Variants in TSHR observed in about 807,000 individuals in gnomAD.
The protein encoded by TSHR is thyroid stimulating hormone receptor.
TSHR carries 51 observed loss-of-function variants against 64.1 expected under a neutral mutation model. That is an observed-to-expected ratio of 0.80 (90% CI 0.64 to 1.01). The LOEUF (loss-of-function observed/expected upper bound fraction) is 1.01, where lower values mean the gene tolerates loss of function less well. Among genes scored for constraint, TSHR ranks in the 50% least tolerant of loss-of-function variants. TSHR has a pLI of 0.00. For missense variants in TSHR, 877 were observed against 942.8 expected, an observed-to-expected ratio of 0.93 and a Z score of 0.91; for synonymous variants, 361 against 361.9, an observed-to-expected ratio of 1.00 and a Z score of 0.03.
chr14:81,011,306 AT>A (rs1282442788), intron 1 of TSHR, among the ~76,000 whole-genome samples: 1 of 151,688 alleles, frequency 6.6e-6, no homozygotes, highest in Non-Finnish European at 1.5e-5. Flanking sequence ...TGGTTAGTGC[AT>A]TTTTAGGGAC....
intron 1 of TSHR, chr14:81,012,570 G>A (rs373758005): frequency 1.3e-5 from 2 of 151,866 alleles, no homozygotes; most frequent in Non-Finnish European, 2.9e-5. Context: ...GTGTAAAAGT[G>A]TTCCTATTTC....
chr14:81,099,397 A>G (rs532417759), intron 7 of TSHR: 12 of 152,254 alleles, frequency 7.9e-5, no homozygotes, highest in African/African-American at 2.6e-4. Context: ...TGGCTGACTT[A>G]CCAGCCATCA....
intron 8 of TSHR, among the ~76,000 whole-genome samples, chr14:81,111,408 T>G (rs1471474272): frequency 6.6e-6 from 1 of 152,152 alleles, no homozygotes; most frequent in African/African-American, 2.4e-5. Flanking sequence ...GCTCCTGCCT[T>G]TATTTAGTCT....
intron 8 of TSHR, among the ~76,000 whole-genome samples, chr14:81,110,403 A>G (rs1890175318): frequency 6.6e-6 from 1 of 152,226 alleles, no homozygotes; most frequent in African/African-American, 2.4e-5. Flanking sequence ...TCACAGAGGA[A>G]AGGCCACGTG....
chr14:81,122,649 G>T (rs1890852442), intron 8 of TSHR, among the ~76,000 whole-genome samples: 1 of 152,074 alleles, frequency 6.6e-6, no homozygotes, highest in South Asian at 2.1e-4. Flanking sequence ...ATAGTAGAGA[G>T]TTAGCGGATA....
chr14:80,989,560 T>G (rs1442001792), intron 1 of TSHR, among the ~76,000 whole-genome samples: 1 of 152,146 alleles, frequency 6.6e-6, no homozygotes, highest in Non-Finnish European at 1.5e-5. Context: ...ATGCTTTTCT[T>G]TCTGCTTGAA....
chr14:81,123,704 A>C (rs1890900575), intron 8 of TSHR, among the ~76,000 whole-genome samples: 1 of 152,220 alleles, frequency 6.6e-6, no homozygotes, highest in Non-Finnish European at 1.5e-5. Flanking sequence ...TTGTTTTTCA[A>C]GGTCACTTCT....
intron 8 of TSHR, among the ~76,000 whole-genome samples, chr14:81,124,695 A>G (rs953739472): frequency 2.7e-5 from 4 of 146,908 alleles, no homozygotes; most frequent in African/African-American, 1.0e-4. Flanking sequence ...ATACTGGCCA[A>G]TGCTTTTAAT....
Position 81,103,451 on chromosome 14 carries a change from A to G in TSHR, c.615-4924A>G. 1 of 985,472 alleles carries G rather than the reference A, an allele frequency of 1.0e-6. No individual in the cohort carries two copies. Among genetic ancestry groups the G allele is most frequent in the Non-Finnish European group, 1.2e-6 (1 of 829,936 alleles). 61.0% of individuals were successfully genotyped at this position (985,472 alleles called of 1,614,324 possible). A position where few individuals can be genotyped will look rare whatever the true frequency, so the allele number is the denominator to read the frequency against. On this transcript the variant is annotated intron_variant, in intron 7 of 9. Coordinates refer to ENST00000298171, the MANE Select transcript of TSHR (RefSeq NM_000369.5). This position sits in a 1 kb window ranked among gnomAD's most constrained non-coding sequence, Gnocchi z 4.1. ...CATGACAATTTACTGAAATTAGCAGATCGACCTCATTTACACTCATTTTTT... is the reference window on the plus strand; with the variant it reads ...CATGACAATTTACTGAAATTAGCAGGTCGACCTCATTTACACTCATTTTTT...
At chr14:81,022,626 T>C (rs565048981) in intron 1 of TSHR, among the ~76,000 whole-genome samples, 4 of 151,912 alleles carry the variant, frequency 2.6e-5, no homozygotes, top group African/African-American at 9.7e-5. Flanking sequence ...ATCGAGACCA[T>C]CCTGGCCAAC....
chr14:81,063,801 C>T (rs1886407814), intron 2 of TSHR, among the ~76,000 whole-genome samples: 1 of 151,652 alleles, frequency 6.6e-6, no homozygotes, highest in African/African-American at 2.4e-5. Flanking sequence ...TATGGAAACT[C>T]ACATAAGAGG....
chr14:80,990,158 A>T (rs944902014), intron 1 of TSHR, among the ~76,000 whole-genome samples: 2 of 152,244 alleles, frequency 1.3e-5, no homozygotes, highest in African/African-American at 4.8e-5. Context: ...TGAGGCAGAG[A>T]TTACTTGCTG....
At chr14:81,123,938 T>G (rs1480715898) in intron 8 of TSHR, among the ~76,000 whole-genome samples, 1 of 152,208 alleles carries the variant, frequency 6.6e-6, no homozygotes, top group East Asian at 1.9e-4. Context: ...AGAGAAGTGC[T>G]TGGTGTTTTA....
intron 1 of TSHR, chr14:81,053,563 C>T (rs1160780576): frequency 6.6e-6 from 1 of 152,194 alleles, no homozygotes; most frequent in African/African-American, 2.4e-5. Flanking sequence ...ACACTGATAA[C>T]ACCAGGTGTT....
intron 8 of TSHR, among the ~76,000 whole-genome samples, chr14:81,127,066 T>C (rs2140077891): frequency 6.6e-6 from 1 of 152,248 alleles, no homozygotes; most frequent in East Asian, 1.9e-4. Context: ...AATTGGAGGA[T>C]GCTGGCAACA....
intron 1 of TSHR, among the ~76,000 whole-genome samples, chr14:80,973,128 G>C (rs994691587): frequency 1.3e-5 from 2 of 151,990 alleles, no homozygotes; most frequent in African/African-American, 4.8e-5. Context: ...GTACTTGGCC[G>C]GGCGCGGTGG....
intron 1 of TSHR, among the ~76,000 whole-genome samples, chr14:80,996,112 T>G (rs1157823631): frequency 3.3e-5 from 5 of 152,202 alleles, no homozygotes; most frequent in Non-Finnish European, 4.4e-5. Context: ...AAACAGATGT[T>G]GTTCCCTTAT....
chr14:81,079,568 C>T (rs1246505151), intron 3 of TSHR, among the ~76,000 whole-genome samples: 5 of 152,188 alleles, frequency 3.3e-5, no homozygotes, highest in African/African-American at 1.2e-4. Context: ...AAAGAAAATG[C>T]TGGCCAGGCG....
intron 1 of TSHR, chr14:80,982,278 CA>C: frequency 1.2e-6 from 1 of 818,500 alleles, no homozygotes; most frequent in Non-Finnish European, 1.9e-6. Context: ...ATGAGTCCAC[CA>C]GCTCCACATG....
Sources: allele counts gnomAD v4.1 joint callset (sites outside exome capture counted in the v4.1 genomes callset), GRCh38; gene constraint gnomAD v4.1.1; non-coding constraint Gnocchi (gnomAD v3.1); transcripts MANE v1.5; gene names NCBI Gene and HGNC (gene_info 2026-07-23, HGNC 2026-07-21).